The following SEPTIN14 variants were observed in gnomAD, a reference collection of about 807,000 sequenced individuals.
SEPTIN14 encodes septin-14.
A neutral mutation model predicts 53.6 loss-of-function variants in SEPTIN14; 40 were observed. That is an observed-to-expected ratio of 0.75 (90% CI 0.58 to 0.97). The LOEUF is 0.97. Among genes scored for constraint, SEPTIN14 ranks in the 50% least tolerant of loss-of-function variants. The pLI, the probability that SEPTIN14 is intolerant of heterozygous loss-of-function variation, is 0.00. For synonymous variants in SEPTIN14, 138 were observed against 166.8 expected (o/e 0.83, Z 1.33); for missense variants, 471 against 508.2 (o/e 0.93, Z 0.70).
chr7:55,839,973 T>G (rs1448433792), intron 5 of SEPTIN14, among the ~76,000 whole-genome samples: 1 of 139,356 alleles, frequency 7.2e-6, no homozygotes, highest in East Asian at 2.2e-4. Flanking sequence ...GGTGAAACCT[T>G]GTCTCTACTA....
Position 55,845,324 on chromosome 7 carries a change from G to C in SEPTIN14, c.176-606C>G, listed in dbSNP as rs138935186. On this transcript the variant is annotated intron_variant, in intron 3 of 9. Transcript: ENST00000388975. Reference sequence around the variant, plus strand: ...TCAACCTAAATGTTCATCAATGGTAGACTGGATAAAGAAAATATGGTACAT... The same window carrying C: ...TCAACCTAAATGTTCATCAATGGTACACTGGATAAAGAAAATATGGTACAT... 7.0e-3 allele frequency among the ~76,000 whole-genome samples: 1,052 copies of C among 150,988 alleles called. 13 individuals carry two copies. Among genetic ancestry groups the C allele is most frequent in the African/African-American group, 0.024 (974 of 40,972 alleles).
intron 7 of SEPTIN14, among the ~76,000 whole-genome samples, chr7:55,807,848 AC>A (rs1024247247): frequency 2.0e-5 from 3 of 152,212 alleles, no homozygotes; most frequent in South Asian, 2.1e-4. Context: ...AAGAGAAGGC[AC>A]GGAAAGCTAT....
chr7:55,806,451 T>C (rs925489039), intron 8 of SEPTIN14, among the ~76,000 whole-genome samples: 3 of 148,374 alleles, frequency 2.0e-5, no homozygotes, highest in Admixed American at 6.8e-5. Context: ...TCTTTTTCTT[T>C]ATCCTTTCTT....
At chr7:55,814,275 ACT>A (rs1788756299) in intron 7 of SEPTIN14, among the ~76,000 whole-genome samples, 1 of 152,110 alleles carries the variant, frequency 6.6e-6, no homozygotes, top group African/African-American at 2.4e-5. Context: ...TAAATATCTA[ACT>A]CTTCAATGCC....
Position 55,829,661 on chromosome 7 carries a change from C to G in SEPTIN14, c.720+4764G>C, listed in dbSNP as rs571704178. ...AGGGCCAGAGATGCTGCAGACCTTC[C>G]ACCCAGAGCAGCTTGGAGGCAGTGA... On this transcript the variant is annotated intron_variant, in intron 6 of 9. Transcript: ENST00000388975. 2.8e-3 allele frequency among the ~76,000 whole-genome samples: 423 copies of G among 151,782 alleles called. 5 individuals are homozygous for G. Among genetic ancestry groups the G allele is most frequent in the Middle Eastern group, 0.01 (3 of 292 alleles).
At chr7:55,829,720 C>T (rs961405989) in intron 6 of SEPTIN14, among the ~76,000 whole-genome samples, 1 of 149,472 alleles carries the variant, frequency 6.7e-6, no homozygotes, top group African/African-American at 2.5e-5. Context: ...CAAAAAATGG[C>T]CTCTTCCAGA....
chr7:55,800,592 C>G (rs56703938), intron 9 of SEPTIN14, among the ~76,000 whole-genome samples: 26,912 of 151,378 alleles, frequency 0.18, 3,209 homozygotes, highest in East Asian at 0.43. Context: ...CAGCCGCACA[C>G]CAGCCTGGGT....
At chr7:55,857,489 G>GAA (rs1230597503) in intron 2 of SEPTIN14, among the ~76,000 whole-genome samples, 3 of 84,768 alleles carry the variant, frequency 3.5e-5, no homozygotes, top group Non-Finnish European at 6.5e-5. Flanking sequence ...GGAGGGGAGG[G>GAA]GAGGGAAGGG....
chr7:55,833,309 C>A (rs147920423), intron 6 of SEPTIN14, among the ~76,000 whole-genome samples: 5,672 of 143,590 alleles, frequency 0.04, 128 homozygotes, highest in Admixed American at 0.061. Flanking sequence ...AGAGAGACTC[C>A]GTCTCAAAAA....
chr7:55,805,341 G>A lies in SEPTIN14; in HGVS notation c.1036C>T (p.Gln346Ter). The A allele has an allele frequency of 6.2e-7, 1 of 1,602,350 alleles. No homozygotes were observed. The highest frequency in any genetic ancestry group is 1.1e-5 in the South Asian group (1 of 89,572). Residue 346 changes from glutamine (Q) to a stop codon, truncating the protein, a stop_gained, in exon 9 of 10, where the codon CAG becomes TAG. Coordinates refer to ENST00000388975, the MANE Select transcript of SEPTIN14 (RefSeq NM_207366.3). LOFTEE classifies it high-confidence loss of function. ...TGTTTCAACTCTTCTTCTTCCCTCTGACATTGATCATAGAACTCTTGTCTT... is the reference window on the plus strand; with the variant it reads ...TGTTTCAACTCTTCTTCTTCCCTCTAACATTGATCATAGAACTCTTGTCTT... ...AKRQEFYDQC[Q>*]REEEELKQRF...
At chr7:55,843,261 C>T in intron 4 of SEPTIN14, 133 bp from the exon 5 acceptor site, 1 of 510,016 alleles carries the variant, frequency 2.0e-6, no homozygotes, top group South Asian at 3.5e-5. Flanking sequence ...ATAACATGTC[C>T]ATACAAAGAT....
At chr7:55,830,565 G>A (rs1433880218) in intron 6 of SEPTIN14, among the ~76,000 whole-genome samples, 2 of 150,166 alleles carry the variant, frequency 1.3e-5, no homozygotes, top group African/African-American at 4.9e-5. Context: ...GGATAGTCTC[G>A]ATTTCCTGAC....
At chr7:55,840,697 A>C (rs10254946) in intron 5 of SEPTIN14, among the ~76,000 whole-genome samples, 40,794 of 151,882 alleles carry the variant, frequency 0.27, 6,738 homozygotes, top group East Asian at 0.46. Flanking sequence ...TGGCATTTTG[A>C]TATCCCAGCC....
chr7:55,844,501 A>T, intron 4 of SEPTIN14, 22 bp downstream of exon 4: 1 of 1,379,606 alleles, frequency 7.2e-7, no homozygotes, highest in Admixed American at 2.3e-5. Context: ...ACCTTTTTTA[A>T]TTTAAATAAG....
intron 5 of SEPTIN14, among the ~76,000 whole-genome samples, chr7:55,837,530 A>T (rs1314045567): frequency 6.6e-6 from 1 of 152,132 alleles, no homozygotes; most frequent in Admixed American, 6.6e-5. Flanking sequence ...TGAGCAAGTA[A>T]CAGGGTCAGG....
At chr7:55,853,539 G>C (rs1057144562) in intron 2 of SEPTIN14, among the ~76,000 whole-genome samples, 5 of 152,168 alleles carry the variant, frequency 3.3e-5, no homozygotes, top group African/African-American at 7.2e-5. Context: ...GAAGGGTAGT[G>C]GGGGTGGTGA....
At chr7:55,830,177 C>CAAA (rs758063923) in intron 6 of SEPTIN14, among the ~76,000 whole-genome samples, 1 of 105,620 alleles carries the variant, frequency 9.5e-6, no homozygotes, top group Non-Finnish European at 2.0e-5. Context: ...GACTCTGTCT[C>CAAA]AAAAAAAAAA....
chr7:55,826,561 G>A (rs550001455), intron 6 of SEPTIN14, among the ~76,000 whole-genome samples: 2 of 152,336 alleles, frequency 1.3e-5, no homozygotes, highest in East Asian at 1.9e-4. Flanking sequence ...ACTTTGGGAG[G>A]CTGAGGCAGG....
At chr7:55,797,745 G>T (rs1197390655) in intron 9 of SEPTIN14, among the ~76,000 whole-genome samples, 1 of 152,166 alleles carries the variant, frequency 6.6e-6, no homozygotes, top group Admixed American at 6.5e-5. Flanking sequence ...GAGGTGGGTG[G>T]ATCACCTGAG....
Sources: allele counts gnomAD v4.1 joint callset (sites outside exome capture counted in the v4.1 genomes callset), GRCh38; gene constraint gnomAD v4.1.1; transcripts MANE v1.5; gene names NCBI Gene and HGNC (gene_info 2026-07-23, HGNC 2026-07-21).